AKAP6: variants seen among roughly 807,000 people sequenced by gnomAD.
AKAP6 encodes A-kinase anchoring protein 6, also known as A-kinase anchor protein 6.
In AKAP6, 58 loss-of-function variants were observed where a neutral mutation model predicts 188.5. The ratio of observed to expected loss-of-function variants is 0.31; its 90% confidence interval spans 0.25 to 0.38. The LOEUF is 0.38. AKAP6 is among the 10% of genes least tolerant of loss of function. The pLI, the probability that AKAP6 is intolerant of heterozygous loss-of-function variation, is 1.00. For missense variants in AKAP6, 2,710 were observed against 2,740.0 expected (o/e 0.99, Z 0.24); for synonymous variants, 989 against 998.6 (o/e 0.99, Z 0.18).
At chr14:32,699,711 CAGCCT>C (rs1207879561) in intron 9 of AKAP6, among the ~76,000 whole-genome samples, 1 of 152,202 alleles carries the variant, frequency 6.6e-6, no homozygotes. Flanking sequence ...GCAATATCGT[CAGCCT>C]AGAAAACACA....
At chr14:32,469,372 T>C (rs2138854685) in intron 2 of AKAP6, among the ~76,000 whole-genome samples, 1 of 152,276 alleles carries the variant, frequency 6.6e-6, no homozygotes, top group East Asian at 1.9e-4. Flanking sequence ...CACACAAAAG[T>C]TTATACATTT....
chr14:32,494,743 A>G (rs1475364930), intron 2 of AKAP6, among the ~76,000 whole-genome samples: 2 of 152,082 alleles, frequency 1.3e-5, no homozygotes, highest in Admixed American at 6.5e-5. Context: ...CTTGAATTCT[A>G]TGCTCCCTAA....
At chr14:32,501,554 A>G (rs889122850) in intron 2 of AKAP6, among the ~76,000 whole-genome samples, 2 of 152,132 alleles carry the variant, frequency 1.3e-5, no homozygotes, top group Non-Finnish European at 2.9e-5. Context: ...CACCTGGAAA[A>G]TGTCATTTAG....
At chr14:32,514,737 G>A (rs1881430819) in intron 2 of AKAP6, among the ~76,000 whole-genome samples, 1 of 152,180 alleles carries the variant, frequency 6.6e-6, no homozygotes, top group Non-Finnish European at 1.5e-5. Context: ...AAAAGCAACA[G>A]GTGGTATAGG....
chr14:32,502,579 C>A (rs909112084), intron 2 of AKAP6, among the ~76,000 whole-genome samples: 17 of 152,268 alleles, frequency 1.1e-4, no homozygotes, highest in African/African-American at 3.8e-4. Context: ...CTAACAGTTT[C>A]TCCCTTTTGT....
intron 8 of AKAP6, among the ~76,000 whole-genome samples, chr14:32,688,865 C>G (rs890848159): frequency 2.6e-5 from 4 of 152,130 alleles, no homozygotes; most frequent in African/African-American, 9.7e-5. Flanking sequence ...AATTGTGCTA[C>G]CAGGCTTTTG....
chr14:32,834,531 GTC>G lies in AKAP6; in HGVS notation c.*4728_*4729del, dbSNP rs1309737614. 2.4e-4 allele frequency: 22 copies of G among 90,504 alleles called. 1 individual carries two copies. In the Admixed American group the frequency reaches 3.3e-3, roughly 13 times the overall value. The allele number at this position is 90,504 out of a possible 1,614,324, so 5.6% of individuals were successfully genotyped here. ...ATCACACACTGCTTTTAGTTTCCAA[GTC>G]TTTTTTTTTTTTTTTTTTTTTAAAT... On this transcript the variant is annotated 3_prime_UTR_variant, in exon 14 of 14. Transcript: ENST00000280979.
chr14:32,409,237 C>A (rs888736732), intron 1 of AKAP6, among the ~76,000 whole-genome samples: 2 of 152,022 alleles, frequency 1.3e-5, no homozygotes, highest in African/African-American at 4.8e-5. Context: ...AGCATATGAA[C>A]TAATTCATAC....
intron 5 of AKAP6, among the ~76,000 whole-genome samples, chr14:32,585,893 T>C (rs1353888188): frequency 6.6e-6 from 1 of 152,082 alleles, no homozygotes; most frequent in Non-Finnish European, 1.5e-5. Context: ...TGAGACTAGA[T>C]TGGAGTCTCA....
chr14:32,588,780 T>C (rs1047793165), intron 5 of AKAP6, among the ~76,000 whole-genome samples: 1 of 152,208 alleles, frequency 6.6e-6, no homozygotes, highest in African/African-American at 2.4e-5. Flanking sequence ...AATTATGAAG[T>C]GTCTAAAAAA....
chr14:32,362,951 A>ATATG (rs1294631280), intron 1 of AKAP6, among the ~76,000 whole-genome samples: 4 of 152,136 alleles, frequency 2.6e-5, no homozygotes, highest in South Asian at 2.1e-4. Flanking sequence ...CTTCTGAGGT[A>ATATG]TATGTCAAGA....
chr14:32,628,376 A>G (rs1230424993), intron 7 of AKAP6, among the ~76,000 whole-genome samples: 1 of 152,146 alleles, frequency 6.6e-6, no homozygotes, highest in Non-Finnish European at 1.5e-5. Context: ...GAAGTAATGA[A>G]CATAAAATTA....
chr14:32,523,332 T>A (rs1881951984), intron 2 of AKAP6, among the ~76,000 whole-genome samples: 2 of 151,962 alleles, frequency 1.3e-5, no homozygotes, highest in South Asian at 2.1e-4. Flanking sequence ...TAGAATTTTT[T>A]AAAAAAAGAA....
chr14:32,376,187 T>G (rs1238959048), intron 1 of AKAP6: 3 of 152,266 alleles, frequency 2.0e-5, no homozygotes, highest in African/African-American at 7.2e-5. Flanking sequence ...GTCTACCAAG[T>G]GTTTTCCAAA....
chr14:32,506,722 G>A (rs1345902684), intron 2 of AKAP6, among the ~76,000 whole-genome samples: 4 of 151,900 alleles, frequency 2.6e-5, no homozygotes, highest in African/African-American at 7.3e-5. Context: ...TACCAGAGAC[G>A]GGGTTTCACC....
chr14:32,444,282 A>T (rs559525349), intron 2 of AKAP6, among the ~76,000 whole-genome samples: 1 of 152,156 alleles, frequency 6.6e-6, no homozygotes, highest in Non-Finnish European at 1.5e-5. Context: ...GAAGCAAGAA[A>T]AAGTTCATCA....
At position 32,527,014 on chromosome 14, in the gene AKAP6, T is replaced by G. The variant is rs1339752421; in HGVS notation, c.325-8540T>G. On this transcript the variant is annotated intron_variant, in intron 2 of 13. Coordinates refer to ENST00000280979, the MANE Select transcript of AKAP6 (RefSeq NM_004274.5). ...AGTGTACATTGGGTTCACTCTGTCT[T>G]GTACATTCTATAGATTTTGAGGAAT... 2.0e-5 allele frequency among the ~76,000 whole-genome samples: 3 copies of G among 152,216 alleles called. No individual in the cohort carries two copies. The East Asian group carries it at 5.8e-4, about 29-fold the overall frequency.
chr14:32,526,958 A>G (rs2139083437), intron 2 of AKAP6, among the ~76,000 whole-genome samples: 1 of 152,344 alleles, frequency 6.6e-6, no homozygotes, highest in African/African-American at 2.4e-5. Context: ...ACTTTGGCAC[A>G]TCATTATCAC....
chr14:32,466,845 A>ATATATT (rs1555331130), intron 2 of AKAP6, among the ~76,000 whole-genome samples: 14 of 144,222 alleles, frequency 9.7e-5, no homozygotes, highest in African/African-American at 3.4e-4. Flanking sequence ...ATATATATAT[A>ATATATT]TTTTCTTTCT....
Sources: allele counts gnomAD v4.1 joint callset (sites outside exome capture counted in the v4.1 genomes callset), GRCh38; gene constraint gnomAD v4.1.1; transcripts MANE v1.5; gene names NCBI Gene and HGNC (gene_info 2026-07-23, HGNC 2026-07-21).